Variants in CNTNAP5 observed in about 807,000 individuals in gnomAD.
CNTNAP5 encodes contactin-associated protein-like 5.
CNTNAP5 carries 72 observed loss-of-function variants against 150.2 expected under a neutral mutation model. The observed-to-expected ratio is 0.48, with a 90% CI of 0.40 to 0.58. The LOEUF (loss-of-function observed/expected upper bound fraction) is 0.58. Among genes scored for constraint, CNTNAP5 ranks in the 20% least tolerant of loss-of-function variants. The probability of loss-of-function intolerance (pLI) is 0.00; values close to 1 mark genes in which losing one functional copy is unlikely to be tolerated. For synonymous variants in CNTNAP5, 672 were observed against 619.8 expected (o/e 1.08, Z -1.25); for missense variants, 1,636 against 1,626.2 (o/e 1.01, Z -0.10).
intron 4 of CNTNAP5, among the ~76,000 whole-genome samples, chr2:124,426,577 C>T (rs563901994): frequency 2.0e-5 from 3 of 152,308 alleles, no homozygotes; most frequent in East Asian, 1.9e-4. Flanking sequence ...CAGGGTGAAT[C>T]GATAGCTTCT....
intron 6 of CNTNAP5, among the ~76,000 whole-genome samples, chr2:124,447,680 AT>A (rs1692854094): frequency 6.6e-6 from 1 of 152,168 alleles, no homozygotes; most frequent in Non-Finnish European, 1.5e-5. Context: ...GAATAGAGAA[AT>A]TTTATATTTA....
chr2:124,467,787 C>T (rs1303806731), intron 6 of CNTNAP5, among the ~76,000 whole-genome samples: 2 of 152,162 alleles, frequency 1.3e-5, no homozygotes, highest in East Asian at 1.9e-4. Flanking sequence ...AATTCACACT[C>T]ATATTCAAAT....
At chr2:124,511,295 G>A (rs1390304597) in intron 8 of CNTNAP5, among the ~76,000 whole-genome samples, 1 of 152,126 alleles carries the variant, frequency 6.6e-6, no homozygotes, top group Non-Finnish European at 1.5e-5. Context: ...TATCTGAAAG[G>A]GATCTGACAT....
At chr2:124,162,296 C>CA (rs1684700134) in intron 1 of CNTNAP5, among the ~76,000 whole-genome samples, 1 of 152,024 alleles carries the variant, frequency 6.6e-6, no homozygotes, top group Non-Finnish European at 1.5e-5. Flanking sequence ...TAATTTATGA[C>CA]AGAGATTGTA....
intron 3 of CNTNAP5, among the ~76,000 whole-genome samples, chr2:124,376,730 A>T (rs537829316): frequency 2.0e-5 from 3 of 152,126 alleles, no homozygotes; most frequent in Admixed American, 1.3e-4. Context: ...CTAATATCCA[A>T]TTTCTTTTAT....
intron 1 of CNTNAP5, among the ~76,000 whole-genome samples, chr2:124,040,812 A>T: frequency 6.6e-6 from 1 of 152,168 alleles, no homozygotes; most frequent in East Asian, 1.9e-4. Context: ...GTACTGGGTC[A>T]CAATATATAT....
At chr2:124,867,485 T>C (rs1376656005) in intron 20 of CNTNAP5, among the ~76,000 whole-genome samples, 1 of 152,230 alleles carries the variant, frequency 6.6e-6, no homozygotes, top group Non-Finnish European at 1.5e-5. Context: ...CAGTGTTATC[T>C]TTCCTTGTCC....
chr2:124,548,936 T>A (rs957332566), intron 10 of CNTNAP5, among the ~76,000 whole-genome samples: 1 of 152,114 alleles, frequency 6.6e-6, no homozygotes, highest in African/African-American at 2.4e-5. Context: ...TATGACTGAA[T>A]CTTGTCACCT....
chr2:124,745,673 C>T (rs1182229044), intron 13 of CNTNAP5, among the ~76,000 whole-genome samples: 1 of 152,198 alleles, frequency 6.6e-6, no homozygotes, highest in Non-Finnish European at 1.5e-5. Context: ...CACTGGTTAA[C>T]AGACATCTCC....
intron 21 of CNTNAP5, among the ~76,000 whole-genome samples, chr2:124,888,018 G>A (rs1678117235): frequency 6.6e-6 from 1 of 151,992 alleles, no homozygotes; most frequent in East Asian, 1.9e-4. Context: ...TTGTCACTTG[G>A]GTATATTGCA....
At chr2:124,074,648 C>T (rs1002989195) in intron 1 of CNTNAP5, among the ~76,000 whole-genome samples, 3 of 152,078 alleles carry the variant, frequency 2.0e-5, no homozygotes, top group African/African-American at 7.2e-5. Context: ...TGGGTATTGA[C>T]TCCTAGACAG....
intron 1 of CNTNAP5, among the ~76,000 whole-genome samples, chr2:124,169,175 T>G (rs1573807095): frequency 6.6e-6 from 1 of 152,084 alleles, no homozygotes; most frequent in African/African-American, 2.4e-5. Context: ...ACTTAGAGAA[T>G]AGCATGGGGC....
chr2:124,523,141 C>T (rs1694886836), intron 8 of CNTNAP5, among the ~76,000 whole-genome samples: 1 of 152,094 alleles, frequency 6.6e-6, no homozygotes, highest in African/African-American at 2.4e-5. Context: ...GTATTTGCAG[C>T]TCTGTTCATT....
intron 4 of CNTNAP5, among the ~76,000 whole-genome samples, chr2:124,419,896 T>TGTTCTTTC (rs1553466615): frequency 1.2e-5 from 1 of 85,198 alleles, no homozygotes; most frequent in Non-Finnish European, 2.3e-5. Context: ...ACTGGATTGG[T>TGTTCTTTC]TTTCTTTCTT....
chr2:124,914,528 G>C lies in CNTNAP5; in HGVS notation c.*240G>C, dbSNP rs1678723406. The C allele has an allele frequency of 6.3e-6, 3 of 476,378 alleles. No individual in the cohort carries two copies. The highest frequency in any genetic ancestry group is 2.0e-5 in the African/African-American group (1 of 51,164). The allele number at this position is 476,378 out of a possible 1,614,324, so 29.5% of individuals were successfully genotyped here. On this transcript the variant is annotated 3_prime_UTR_variant, in exon 24 of 24. Transcript: ENST00000682447. ...GGTGAAAACGACCACTCAAGAGACT[G>C]ACTTCGCCATTCAAGACAAGGAAGA...
chr2:124,742,651 C>CAT (rs60303111), intron 13 of CNTNAP5, among the ~76,000 whole-genome samples: 1,439 of 97,244 alleles, frequency 0.015, 13 homozygotes, highest in East Asian at 0.028. Flanking sequence ...CACACACACA[C>CAT]ATATATATAT....
At chr2:124,706,940 A>AAGGAGGAGG (rs368704738) in intron 13 of CNTNAP5, among the ~76,000 whole-genome samples, 2 of 18,174 alleles carry the variant, frequency 1.1e-4, no homozygotes, top group Non-Finnish European at 2.8e-4. Context: ...GAAGAAGAAG[A>AAGGAGGAGG]AGGAGGAGGA....
intron 6 of CNTNAP5, among the ~76,000 whole-genome samples, chr2:124,453,458 T>A (rs2104813089): frequency 6.6e-6 from 1 of 152,256 alleles, no homozygotes; most frequent in South Asian, 2.1e-4. Flanking sequence ...GAAAATATAT[T>A]TGGGGGAATA....
At chr2:124,895,593 T>C (rs899985551) in intron 21 of CNTNAP5, among the ~76,000 whole-genome samples, 1 of 151,466 alleles carries the variant, frequency 6.6e-6, no homozygotes, top group Non-Finnish European at 1.5e-5. Flanking sequence ...CCATTTCACT[T>C]CAGCCTGGGT....
Sources: gnomAD v4.1 joint callset for allele counts (sites outside exome capture counted in the v4.1 genomes callset) on GRCh38, gnomAD v4.1.1 for gene constraint, MANE v1.5 for transcripts, NCBI Gene and HGNC (gene_info 2026-07-23, HGNC 2026-07-21) for gene names.